UNC5D: variants seen among roughly 807,000 people sequenced by gnomAD.
The protein encoded by UNC5D is netrin receptor UNC5D.
In UNC5D, 39 loss-of-function variants were observed where a neutral mutation model predicts 105.4. The ratio of observed to expected loss-of-function variants is 0.37; its 90% confidence interval spans 0.29 to 0.48. The LOEUF is 0.48. Ranked by LOEUF, UNC5D falls within the 20% of genes least tolerant of loss-of-function variation. UNC5D has a pLI of 0.98. For synonymous variants in UNC5D, 452 were observed against 450.4 expected (o/e 1.00, Z -0.04); for missense variants, 991 against 1,202.4 (o/e 0.82, Z 2.60).
At chr8:35,364,242 G>A (rs1801995110) in intron 1 of UNC5D, among the ~76,000 whole-genome samples, 1 of 135,956 alleles carries the variant, frequency 7.4e-6, no homozygotes, top group South Asian at 2.5e-4. Context: ...CTATGGTAAA[G>A]ACATGCTTTC....
At chr8:35,675,736 C>G (rs1323022031) in intron 4 of UNC5D, among the ~76,000 whole-genome samples, 1 of 151,794 alleles carries the variant, frequency 6.6e-6, no homozygotes, top group Non-Finnish European at 1.5e-5. Flanking sequence ...TTTAAAGCAG[C>G]TTTCTCCTCT....
chr8:35,339,564 G>C (rs1277567931), intron 1 of UNC5D, among the ~76,000 whole-genome samples: 1 of 152,216 alleles, frequency 6.6e-6, no homozygotes, highest in Non-Finnish European at 1.5e-5. Context: ...ATATACAGAG[G>C]CGTGGAAACA....
At chr8:35,590,048 C>T (rs1819064414) in intron 3 of UNC5D, among the ~76,000 whole-genome samples, 1 of 152,086 alleles carries the variant, frequency 6.6e-6, no homozygotes, top group Non-Finnish European at 1.5e-5. Flanking sequence ...CAAAATTTGA[C>T]ATTTCTTGAA....
intron 4 of UNC5D, among the ~76,000 whole-genome samples, chr8:35,647,835 A>G (rs1295390603): frequency 2.0e-5 from 3 of 152,200 alleles, no homozygotes; most frequent in South Asian, 4.1e-4. Context: ...TTACATAAGC[A>G]TGGTAGAAAG....
At chr8:35,372,441 T>C (rs893517980) in intron 1 of UNC5D, among the ~76,000 whole-genome samples, 2 of 152,020 alleles carry the variant, frequency 1.3e-5, no homozygotes, top group African/African-American at 4.8e-5. Flanking sequence ...TTGACTCTAA[T>C]GTTGGATTAA....
intron 1 of UNC5D, among the ~76,000 whole-genome samples, chr8:35,450,998 G>T (rs997048890): frequency 6.6e-6 from 1 of 151,594 alleles, no homozygotes; most frequent in African/African-American, 2.4e-5. Flanking sequence ...AGTTTATTGG[G>T]GTATAACCCT....
At chr8:35,307,229 G>A (rs1014632192) in intron 1 of UNC5D, among the ~76,000 whole-genome samples, 2 of 152,168 alleles carry the variant, frequency 1.3e-5, no homozygotes, top group African/African-American at 2.4e-5. Context: ...CCGCAGGTTG[G>A]ACCAGCTTGG....
At chr8:35,565,040 G>C (rs138017268) in intron 2 of UNC5D, among the ~76,000 whole-genome samples, 1 of 152,216 alleles carries the variant, frequency 6.6e-6, no homozygotes, top group Non-Finnish European at 1.5e-5. Context: ...ATGAATTGTA[G>C]TACAATAAAC....
intron 4 of UNC5D, among the ~76,000 whole-genome samples, chr8:35,631,710 G>T (rs1273179789): frequency 6.6e-6 from 1 of 152,068 alleles, no homozygotes; most frequent in Non-Finnish European, 1.5e-5. Context: ...TTTGCTCCCT[G>T]GAACTCAGTT....
intron 3 of UNC5D, among the ~76,000 whole-genome samples, chr8:35,580,147 GT>G (rs1818382571): frequency 1.3e-5 from 2 of 152,248 alleles, no homozygotes; most frequent in African/African-American, 4.8e-5. Context: ...AAATAAACCA[GT>G]TTGAAGAATG....
chr8:35,432,770 CA>C (rs1247879399), intron 1 of UNC5D, among the ~76,000 whole-genome samples: 1 of 152,114 alleles, frequency 6.6e-6, no homozygotes, highest in Non-Finnish European at 1.5e-5. Context: ...ATAAAGGTTT[CA>C]GTTTCCCAAC....
intron 1 of UNC5D, among the ~76,000 whole-genome samples, chr8:35,237,179 G>GTTTTTTT (rs3073013): frequency 1.6e-5 from 1 of 61,810 alleles, no homozygotes; most frequent in Non-Finnish European, 2.9e-5. Flanking sequence ...TTCCTGAAAA[G>GTTTTTTT]TTTTTTTTTT....
intron 8 of UNC5D, among the ~76,000 whole-genome samples, chr8:35,718,979 T>C (rs1183061810): frequency 2.0e-5 from 3 of 152,182 alleles, no homozygotes; most frequent in East Asian, 1.9e-4. Flanking sequence ...ATGGGAAAAG[T>C]TGCCAGTCCC....
chr8:35,253,510 A>G (rs7010075), intron 1 of UNC5D, among the ~76,000 whole-genome samples: 2,645 of 123,616 alleles, frequency 0.021, 100 homozygotes, highest in African/African-American at 0.079. Context: ...TTTTTGAGAC[A>G]GAGTCTTGCT....
intron 4 of UNC5D, among the ~76,000 whole-genome samples, chr8:35,680,977 T>C (rs1825623741): frequency 6.6e-6 from 1 of 151,722 alleles, no homozygotes; most frequent in African/African-American, 2.4e-5. Flanking sequence ...AGGAGGAGAG[T>C]GGAGGTGGAG....
intron 16 of UNC5D, among the ~76,000 whole-genome samples, chr8:35,783,150 G>GA (rs557914928): frequency 0.018 from 2,324 of 130,084 alleles, 40 homozygotes; most frequent in African/African-American, 0.056. Context: ...CTTGGAGAAA[G>GA]AAAAAAAAAA....
chr8:35,542,409 C>T (rs543474219), intron 1 of UNC5D, among the ~76,000 whole-genome samples: 4 of 152,208 alleles, frequency 2.6e-5, no homozygotes, highest in South Asian at 2.1e-4. Flanking sequence ...TGCACATTGC[C>T]GTGGACCAAT....
At chr8:35,715,636 A>T (rs1239856827) in intron 8 of UNC5D, among the ~76,000 whole-genome samples, 1 of 152,132 alleles carries the variant, frequency 6.6e-6, no homozygotes, top group East Asian at 1.9e-4. Context: ...TGAGAGAGTA[A>T]GTTGAGGGAA....
chr8:35,557,341 A>C (rs1283600459), intron 2 of UNC5D, among the ~76,000 whole-genome samples: 1 of 152,188 alleles, frequency 6.6e-6, no homozygotes, highest in Non-Finnish European at 1.5e-5. Flanking sequence ...TGGAGTGCTT[A>C]TTATCCTGGG....
Sources: gnomAD v4.1 joint callset for allele counts (sites outside exome capture counted in the v4.1 genomes callset) on GRCh38, gnomAD v4.1.1 for gene constraint, MANE v1.5 for transcripts, NCBI Gene and HGNC (gene_info 2026-07-23, HGNC 2026-07-21) for gene names.